SUPT3H: variants seen among roughly 807,000 people sequenced by gnomAD.
SUPT3H encodes the protein transcription initiation protein SPT3 homolog.
Under a neutral mutation model 44.3 loss-of-function variants are expected in SUPT3H, and 44 were observed. The ratio of observed to expected loss-of-function variants is 0.99; its 90% confidence interval spans 0.78 to 1.28. The LOEUF is 1.28. Ranked by LOEUF, SUPT3H falls within the 50% of genes most tolerant of loss-of-function variation. The probability of loss-of-function intolerance (pLI) is 0.00; values close to 1 mark genes in which losing one functional copy is unlikely to be tolerated. For missense variants in SUPT3H, 380 were observed against 387.1 expected, an observed-to-expected ratio of 0.98 and a Z score of 0.15; for synonymous variants, 124 against 125.6, an observed-to-expected ratio of 0.99 and a Z score of 0.09.
At chr6:44,922,832 A>T (rs944388984) in intron 10 of SUPT3H, among the ~76,000 whole-genome samples, 4 of 152,156 alleles carry the variant, frequency 2.6e-5, no homozygotes, top group African/African-American at 9.6e-5. Flanking sequence ...TTTACAGCAC[A>T]ATTTTAAAAT....
chr6:45,175,710 A>AT (rs900634980), intron 2 of SUPT3H, among the ~76,000 whole-genome samples: 11 of 96,870 alleles, frequency 1.1e-4, no homozygotes, highest in Non-Finnish European at 1.8e-4. Flanking sequence ...CTCAAGTGAT[A>AT]TTAAAAAAAA....
At chr6:44,881,614 C>A (rs897650018) in intron 10 of SUPT3H, among the ~76,000 whole-genome samples, 1 of 152,154 alleles carries the variant, frequency 6.6e-6, no homozygotes, top group African/African-American at 2.4e-5. Flanking sequence ...TGCACTTATT[C>A]TAAAATTGAT....
intron 6 of SUPT3H, among the ~76,000 whole-genome samples, chr6:44,975,329 C>T (rs1020419705): frequency 2.0e-5 from 3 of 152,068 alleles, no homozygotes; most frequent in African/African-American, 7.2e-5. Flanking sequence ...TAAGTTGGGC[C>T]TAAATGCCCA....
intron 10 of SUPT3H, among the ~76,000 whole-genome samples, chr6:44,858,872 G>T (rs560235489): frequency 2.0e-5 from 3 of 152,248 alleles, no homozygotes; most frequent in African/African-American, 7.2e-5. Context: ...AAAGTCAAGG[G>T]ACTCAAAAGA....
At chr6:44,835,678 T>C (rs1420772150) in intron 10 of SUPT3H, among the ~76,000 whole-genome samples, 1 of 152,152 alleles carries the variant, frequency 6.6e-6, no homozygotes, top group Non-Finnish European at 1.5e-5. Flanking sequence ...GTTGGGATGG[T>C]AGGTACATTT....
intron 2 of SUPT3H, among the ~76,000 whole-genome samples, chr6:45,294,289 A>T (rs1780766126): frequency 6.6e-6 from 1 of 152,214 alleles, no homozygotes; most frequent in South Asian, 2.1e-4. Flanking sequence ...TCACTTTATG[A>T]TTAAAACTCT....
At chr6:45,212,618 A>G (rs1764319941) in intron 2 of SUPT3H, among the ~76,000 whole-genome samples, 1 of 151,980 alleles carries the variant, frequency 6.6e-6, no homozygotes. Context: ...TATTGGAGAA[A>G]GTCTTCAAGA....
chr6:45,290,573 A>G (rs1023855710), intron 2 of SUPT3H, among the ~76,000 whole-genome samples: 36 of 152,278 alleles, frequency 2.4e-4, no homozygotes, highest in African/African-American at 8.7e-4. Context: ...AACATCAACA[A>G]AAATCCCGTA....
intron 10 of SUPT3H, among the ~76,000 whole-genome samples, chr6:44,923,822 TA>T (rs901716140): frequency 6.6e-6 from 1 of 151,682 alleles, no homozygotes; most frequent in Non-Finnish European, 1.5e-5. Flanking sequence ...GCCTGCTGAT[TA>T]AAAAAAACAA....
chr6:45,026,158 C>T (rs1249522373), intron 3 of SUPT3H, among the ~76,000 whole-genome samples: 3 of 152,114 alleles, frequency 2.0e-5, no homozygotes, highest in Non-Finnish European at 2.9e-5. Flanking sequence ...CATTATCCAT[C>T]AGGCCAGATT....
At chr6:45,087,826 G>A (rs1184294392) in intron 3 of SUPT3H, among the ~76,000 whole-genome samples, 1 of 151,534 alleles carries the variant, frequency 6.6e-6, no homozygotes, top group Non-Finnish European at 1.5e-5. Context: ...AAGAATGTTG[G>A]GAAATTTCTT....
At chr6:45,375,161 C>T (rs929048415) in intron 1 of SUPT3H, among the ~76,000 whole-genome samples, 1 of 152,102 alleles carries the variant, frequency 6.6e-6, no homozygotes, top group African/African-American at 2.4e-5. Context: ...GAGCTGAGAT[C>T]GCACCATTGT....
intron 2 of SUPT3H, among the ~76,000 whole-genome samples, chr6:45,325,191 A>G (rs1365718189): frequency 1.3e-5 from 2 of 151,794 alleles, no homozygotes; most frequent in East Asian, 3.9e-4. Flanking sequence ...GCATCAAACC[A>G]TTTTCTCCTT....
intron 2 of SUPT3H, among the ~76,000 whole-genome samples, chr6:45,344,778 T>C (rs1016411528): frequency 6.6e-6 from 1 of 152,066 alleles, no homozygotes; most frequent in African/African-American, 2.4e-5. Context: ...AGAAATATAC[T>C]TGGTGGACCT....
rs140534385 is a variant in SUPT3H, at chr6:45,131,459, T to A, written c.102-25453A>T. On this transcript the variant is annotated intron_variant, in intron 2 of 10. Transcript: ENST00000371459. The stretch of plus-strand genomic sequence containing the variant: ...CTCAAGTATAGATGGGTTTCTAACA[T>A]ACATATTAACAGCTTATGTTTATTT... 4.7e-4 allele frequency among the ~76,000 whole-genome samples: 72 copies of A among 152,248 alleles called. No homozygotes were observed. The East Asian group carries it at 0.012, about 26-fold the overall frequency.
chr6:44,904,151 A>G (rs544959860), intron 10 of SUPT3H, among the ~76,000 whole-genome samples: 1 of 152,328 alleles, frequency 6.6e-6, no homozygotes, highest in South Asian at 2.1e-4. Context: ...CACCACTCCT[A>G]TTCAACATAG....
chr6:44,947,478 G>A (rs149015045), intron 9 of SUPT3H, among the ~76,000 whole-genome samples: 1 of 152,144 alleles, frequency 6.6e-6, no homozygotes, highest in Non-Finnish European at 1.5e-5. Context: ...GTGAGACTTA[G>A]TATTGCTAAA....
At chr6:45,020,521 A>C in intron 4 of SUPT3H, 25 bp downstream of exon 4, 1 of 1,565,986 alleles carries the variant, frequency 6.4e-7, no homozygotes, top group Non-Finnish European at 8.7e-7. Flanking sequence ...GTGGATTTTA[A>C]TACAATAAAA....
intron 3 of SUPT3H, among the ~76,000 whole-genome samples, chr6:45,082,329 CACA>C (rs1379146488): frequency 6.6e-6 from 1 of 151,952 alleles, no homozygotes; most frequent in African/African-American, 2.4e-5. Context: ...CTGGCAAAGA[CACA>C]ACAACAACAA....
Sources: allele counts gnomAD v4.1 joint callset (sites outside exome capture counted in the v4.1 genomes callset), GRCh38; gene constraint gnomAD v4.1.1; transcripts MANE v1.5; gene names NCBI Gene and HGNC (gene_info 2026-07-23, HGNC 2026-07-21).